Variants in SUCLG2 observed in about 807,000 individuals in gnomAD.
SUCLG2 encodes the protein succinate--CoA ligase [GDP-forming] subunit beta, mitochondrial.
A neutral mutation model predicts 47.9 loss-of-function variants in SUCLG2; 42 were observed. The observed-to-expected ratio is 0.88, with a 90% CI of 0.69 to 1.14. The LOEUF is 1.14. SUCLG2 is among the 50% of genes most tolerant of loss of function. The probability of loss-of-function intolerance (pLI) is 0.00; values close to 1 mark genes in which losing one functional copy is unlikely to be tolerated. For synonymous variants in SUCLG2, 195 were observed against 197.3 expected (o/e 0.99, Z 0.10); for missense variants, 571 against 525.9 (o/e 1.09, Z -0.84).
intron 9 of SUCLG2, among the ~76,000 whole-genome samples, chr3:67,406,028 G>A (rs796289357): frequency 3.9e-5 from 6 of 152,156 alleles, no homozygotes; most frequent in African/African-American, 1.2e-4. Context: ...ATGAGTGATG[G>A]CTTAGTCTCT....
At chr3:67,580,515 A>G (rs1707855046) in intron 2 of SUCLG2, among the ~76,000 whole-genome samples, 1 of 152,216 alleles carries the variant, frequency 6.6e-6, no homozygotes, top group Non-Finnish European at 1.5e-5. Flanking sequence ...GGCTACCTTT[A>G]TTCTTTCACC....
chr3:67,471,583 G>C (rs80265058), intron 9 of SUCLG2, among the ~76,000 whole-genome samples: 3,764 of 149,934 alleles, frequency 0.025, 157 homozygotes, highest in African/African-American at 0.09. Context: ...GCTAAAACTG[G>C]TCTGGTCTAG....
At chr3:67,628,148 T>C (rs563351090) in intron 1 of SUCLG2, among the ~76,000 whole-genome samples, 4 of 152,216 alleles carry the variant, frequency 2.6e-5, no homozygotes, top group East Asian at 1.9e-4. Context: ...TATAAATACA[T>C]AGAAATTTAG....
chr3:67,602,618 A>G (rs1708444333), intron 2 of SUCLG2, among the ~76,000 whole-genome samples: 1 of 152,220 alleles, frequency 6.6e-6, no homozygotes, highest in African/African-American at 2.4e-5. Flanking sequence ...CATACAATAG[A>G]AAATGTCATT....
chr3:67,558,872 T>C (rs1707231910), intron 2 of SUCLG2, among the ~76,000 whole-genome samples: 1 of 152,182 alleles, frequency 6.6e-6, no homozygotes, highest in South Asian at 2.1e-4. Context: ...TATAATTTTG[T>C]TAATTCCCAA....
At chr3:67,600,796 T>G (rs1033588031) in intron 2 of SUCLG2, among the ~76,000 whole-genome samples, 1 of 152,222 alleles carries the variant, frequency 6.6e-6, no homozygotes, top group African/African-American at 2.4e-5. Context: ...GGGCATACTT[T>G]CCAGGTCATC....
chr3:67,395,122 C>A (rs1403436778), intron 10 of SUCLG2, among the ~76,000 whole-genome samples: 6 of 151,452 alleles, frequency 4.0e-5, no homozygotes, highest in Admixed American at 3.9e-4. Context: ...AACTAACGAG[C>A]AAAATAACCA....
At chr3:67,621,201 T>C (rs763952365) in intron 1 of SUCLG2, among the ~76,000 whole-genome samples, 2 of 152,126 alleles carry the variant, frequency 1.3e-5, no homozygotes, top group Non-Finnish European at 2.9e-5. Flanking sequence ...CAGGCCAGTG[T>C]GCTGATCTCT....
At chr3:67,629,811 T>G (rs574050917) in intron 1 of SUCLG2, among the ~76,000 whole-genome samples, 40 of 152,190 alleles carry the variant, frequency 2.6e-4, no homozygotes, top group Admixed American at 1.2e-3. Context: ...AAAGAACATT[T>G]TATAAGTAAC....
intron 9 of SUCLG2, among the ~76,000 whole-genome samples, chr3:67,471,490 C>G (rs1205556855): frequency 2.0e-5 from 3 of 152,166 alleles, no homozygotes; most frequent in African/African-American, 7.2e-5. Context: ...TAACTTACCA[C>G]TCTATTGAAA....
intron 9 of SUCLG2, 130 bp downstream of exon 9, chr3:67,495,665 AAAG>A (rs1241158136): frequency 2.7e-6 from 3 of 1,123,368 alleles, no homozygotes; most frequent in Non-Finnish European, 3.7e-6. Context: ...AAAAAAAAAA[AAAG>A]ATAGAAGTTG....
At chr3:67,377,755 G>T (rs1412587302) in intron 10 of SUCLG2, among the ~76,000 whole-genome samples, 2 of 152,190 alleles carry the variant, frequency 1.3e-5, no homozygotes, top group Non-Finnish European at 1.5e-5. Flanking sequence ...CGGTGCCCAA[G>T]TGATCCTTCT....
intron 9 of SUCLG2, among the ~76,000 whole-genome samples, chr3:67,492,604 C>G (rs1176188973): frequency 2.6e-5 from 4 of 152,134 alleles, no homozygotes; most frequent in African/African-American, 4.8e-5. Context: ...GCAGAACAAA[C>G]TCTATTACTT....
intron 9 of SUCLG2, among the ~76,000 whole-genome samples, chr3:67,460,798 G>A (rs1014212381): frequency 6.6e-6 from 1 of 151,966 alleles, no homozygotes; most frequent in African/African-American, 2.4e-5. Context: ...AGGCCCACTG[G>A]GAAGGAAAAA....
chr3:67,539,279 T>C (rs1408866761), intron 2 of SUCLG2, among the ~76,000 whole-genome samples: 2 of 152,112 alleles, frequency 1.3e-5, no homozygotes, highest in African/African-American at 2.4e-5. Flanking sequence ...CCGGTGTTGA[T>C]TTTTATCAAA....
At chr3:67,528,456 T>G (rs1706313587) in intron 3 of SUCLG2, among the ~76,000 whole-genome samples, 1 of 152,160 alleles carries the variant, frequency 6.6e-6, no homozygotes, top group African/African-American at 2.4e-5. Context: ...CTTTGTGACC[T>G]CTTCACCCAA....
chr3:67,609,471 C>T lies in SUCLG2; in HGVS notation c.210G>A (p.Glu70=). 1 of 1,612,484 alleles carries T rather than the reference C, an allele frequency of 6.2e-7. No individual in the cohort carries two copies. The highest frequency in any genetic ancestry group is 8.5e-7 in the Non-Finnish European group (1 of 1,179,732). The change falls in exon 2 of 11, where the codon GAG becomes GAA. Residue 70 remains glutamate, a synonymous_variant. Coordinates refer to ENST00000307227, the MANE Select transcript of SUCLG2 (RefSeq NM_003848.4). ...TCAGCTTACTTAGTCTCTTAGCAGCCTCGAGAGCTTCATTTGCAGTGTCTG... is the reference window on the plus strand; with the variant it reads ...TCAGCTTACTTAGTCTCTTAGCAGCTTCGAGAGCTTCATTTGCAGTGTCTG... The part of the protein sequence containing the change: ...FVADTANEAL[E]AAKRLNAKEI...
chr3:67,562,136 C>G (rs1016121234), intron 2 of SUCLG2, among the ~76,000 whole-genome samples: 2 of 152,288 alleles, frequency 1.3e-5, no homozygotes, highest in African/African-American at 4.8e-5. Context: ...ATTCATCCCC[C>G]CTTCCCTTAG....
chr3:67,546,774 G>A (rs1189697465), intron 2 of SUCLG2, among the ~76,000 whole-genome samples: 1 of 151,746 alleles, frequency 6.6e-6, no homozygotes, highest in Non-Finnish European at 1.5e-5. Context: ...GGTGGCAGGT[G>A]CCTGTAATCC....
Sources: allele counts gnomAD v4.1 joint callset (sites outside exome capture counted in the v4.1 genomes callset), GRCh38; gene constraint gnomAD v4.1.1; transcripts MANE v1.5; gene names NCBI Gene and HGNC (gene_info 2026-07-23, HGNC 2026-07-21).